Variants in ZNRF3 observed in about 807,000 individuals in gnomAD.
The protein encoded by ZNRF3 is E3 ubiquitin-protein ligase ZNRF3.
A neutral mutation model predicts 72.5 loss-of-function variants in ZNRF3; 23 were observed. The ratio of observed to expected loss-of-function variants is 0.32; its 90% CI spans 0.23 to 0.45. ZNRF3 has a LOEUF of 0.45. ZNRF3 is among the 20% of genes least tolerant of loss of function. The probability of loss-of-function intolerance (pLI) is 1.00; values close to 1 mark genes in which losing one functional copy is unlikely to be tolerated. For synonymous variants in ZNRF3, 610 were observed against 545.3 expected, an observed-to-expected ratio of 1.12 and a Z score of -1.65; for missense variants, 1,169 against 1,272.1, an observed-to-expected ratio of 0.92 and a Z score of 1.23.
intron 2 of ZNRF3, among the ~76,000 whole-genome samples, chr22:29,007,501 G>T (rs1410665917): frequency 6.6e-6 from 1 of 151,732 alleles, no homozygotes; most frequent in Admixed American, 6.6e-5. Flanking sequence ...AAACTAGCTG[G>T]GCCTGGTGGC....
chr22:29,006,209 G>GTTTTTTT (rs2036240125), intron 2 of ZNRF3, among the ~76,000 whole-genome samples: 2 of 73,998 alleles, frequency 2.7e-5, no homozygotes, highest in East Asian at 4.5e-4. Context: ...CTTATCATCC[G>GTTTTTTT]TTTCTTTTTT....
At chr22:29,005,018 C>A (rs2036216919) in intron 2 of ZNRF3, among the ~76,000 whole-genome samples, 1 of 152,250 alleles carries the variant, frequency 6.6e-6, no homozygotes. Context: ...CCTCTTGTCT[C>A]CGCTTTTCAG....
At chr22:28,928,163 T>A (rs1373433621) in intron 1 of ZNRF3, among the ~76,000 whole-genome samples, 3 of 152,252 alleles carry the variant, frequency 2.0e-5, no homozygotes, top group African/African-American at 4.8e-5. Flanking sequence ...CAATCTTTTT[T>A]AAATTTTATT....
chr22:28,939,582 T>C (rs943987103), intron 1 of ZNRF3, among the ~76,000 whole-genome samples: 1 of 152,020 alleles, frequency 6.6e-6, no homozygotes, highest in Non-Finnish European at 1.5e-5. Flanking sequence ...CCCTCAGTCT[T>C]TGCATCCTCA....
chr22:28,893,101 A>T (rs577710914), intron 1 of ZNRF3, among the ~76,000 whole-genome samples: 1 of 151,948 alleles, frequency 6.6e-6, no homozygotes, highest in Non-Finnish European at 1.5e-5. Context: ...CGGCAGGTGG[A>T]GCTTGCAGTG....
chr22:28,918,131 G>A (rs990637640), intron 1 of ZNRF3, among the ~76,000 whole-genome samples: 14 of 152,186 alleles, frequency 9.2e-5, no homozygotes, highest in African/African-American at 3.1e-4. Context: ...GGCAGGCCTG[G>A]CGAAGTGTGG....
intron 1 of ZNRF3, among the ~76,000 whole-genome samples, chr22:28,893,440 C>T (rs1269676443): frequency 2.0e-5 from 3 of 151,616 alleles, no homozygotes; most frequent in Admixed American, 1.3e-4. Flanking sequence ...CTGCAGTGAG[C>T]CTTGCAGCTA....
Position 29,049,705 on chromosome 22 carries a change from C to G in ZNRF3, c.1524C>G (p.Leu508=), listed in dbSNP as rs2037147780. ...CTCCGAGCGGCAGTGGCAGCCTGCTCTTCCCCACCGTGGTGCACGTGGCCC... is the reference window on the plus strand; with the variant it reads ...CTCCGAGCGGCAGTGGCAGCCTGCTGTTCCCCACCGTGGTGCACGTGGCCC... ...AFPPSGSGSL[L]FPTVVHVAPP... is the part of the protein sequence containing the mutation. Residue 508 remains leucine (L), a synonymous_variant, in exon 8 of 9, where the codon CTC becomes CTG. Transcript: ENST00000544604. The surrounding 1 kb of genome is among the most constrained non-coding windows in gnomAD (Gnocchi z 5.2). 1 of 1,605,716 alleles carries G rather than the reference C, an allele frequency of 6.2e-7. No homozygotes were observed. The highest frequency in any genetic ancestry group is 1.1e-5 in the South Asian group (1 of 90,580).
chr22:28,981,523 T>C (rs1361012548), intron 1 of ZNRF3, among the ~76,000 whole-genome samples: 1 of 152,080 alleles, frequency 6.6e-6, no homozygotes, highest in Admixed American at 6.6e-5. Flanking sequence ...AAAGTAGAAA[T>C]AAAGGTTTCA....
At chr22:28,921,516 T>C (rs2034512947) in intron 1 of ZNRF3, among the ~76,000 whole-genome samples, 3 of 152,228 alleles carry the variant, frequency 2.0e-5, no homozygotes, top group Admixed American at 2.0e-4. Flanking sequence ...TCAATGCTGC[T>C]GCCTCCAGGA....
chr22:28,895,179 C>T (rs772668424), intron 1 of ZNRF3, among the ~76,000 whole-genome samples: 3 of 152,108 alleles, frequency 2.0e-5, no homozygotes, highest in Non-Finnish European at 4.4e-5. Flanking sequence ...ATCAGTGGAC[C>T]CCATGAGTCT....
At chr22:28,999,849 CAT>C (rs2036113592) in intron 2 of ZNRF3, among the ~76,000 whole-genome samples, 2 of 152,074 alleles carry the variant, frequency 1.3e-5, no homozygotes, top group African/African-American at 4.8e-5. Flanking sequence ...ACCTCGGTGA[CAT>C]AAATTCTCAC....
At chr22:28,940,097 A>G (rs1013891028) in intron 1 of ZNRF3, among the ~76,000 whole-genome samples, 1 of 152,184 alleles carries the variant, frequency 6.6e-6, no homozygotes, top group Non-Finnish European at 1.5e-5. Context: ...AGCCAGGGCA[A>G]TTCTTACCAG....
chr22:29,044,912 C>G, intron 5 of ZNRF3, 22 bp downstream of exon 5: 1 of 1,545,562 alleles, frequency 6.5e-7, no homozygotes, highest in Non-Finnish European at 8.9e-7. Context: ...GTGTGTAGCC[C>G]GTGAGCAGTA....
chr22:28,989,132 T>C (rs951853024), intron 2 of ZNRF3, among the ~76,000 whole-genome samples: 1 of 152,204 alleles, frequency 6.6e-6, no homozygotes, highest in Non-Finnish European at 1.5e-5. Flanking sequence ...GCCCAGAAGC[T>C]GAGCATGTGG....
chr22:28,938,467 C>T (rs190515671), intron 1 of ZNRF3, among the ~76,000 whole-genome samples: 2 of 152,138 alleles, frequency 1.3e-5, no homozygotes, highest in African/African-American at 2.4e-5. Context: ...AAGCACTTAG[C>T]GTGTATTATC....
rs889202461 is a variant in ZNRF3 at position 28,884,016 on chromosome 22, C to A, written c.250C>A (p.Arg84Ser). ...CACCTACACCACCGGCCTCACGGGC[C>A]GCTTCTCGCGGGCCGGGGCCACGCT... ...YTTYTTGLTGRFSRAGATLSA... is the reference protein window; with the variant it reads ...YTTYTTGLTGSFSRAGATLSA... Residue 84 changes from arginine (R) to serine (S), a missense_variant, in exon 1 of 9, where the codon CGC becomes AGC. By Grantham distance (110) the Arg-to-Ser change is moderately radical (BLOSUM62 -1). This residue lies in a region of ZNRF3 where 386 missense variants were observed against 540.7 expected (regional missense o/e 0.71). Coordinates refer to ENST00000544604, the MANE Select transcript of ZNRF3 (RefSeq NM_001206998.2). 2.5e-5 allele frequency: 33 copies of A among 1,307,424 alleles called. No individual in the cohort carries two copies. In the African/African-American group the frequency reaches 4.6e-4, roughly 18 times the overall value. 81.0% of individuals were successfully genotyped at this position (1,307,424 alleles called of 1,614,324 possible).
At chr22:28,988,749 C>T (rs1000086026) in intron 2 of ZNRF3, among the ~76,000 whole-genome samples, 7 of 152,158 alleles carry the variant, frequency 4.6e-5, no homozygotes, top group African/African-American at 7.2e-5. Context: ...GTAGGTGTTA[C>T]GCTCCTAATA....
chr22:29,046,663 C>T, intron 5 of ZNRF3, 53 bp from the exon 6 acceptor site: 1 of 1,477,980 alleles, frequency 6.8e-7, no homozygotes, highest in Non-Finnish European at 9.0e-7. Context: ...CCTGGGGTGA[C>T]TGCCACTTTC....
Sources: allele counts gnomAD v4.1 joint callset (sites outside exome capture counted in the v4.1 genomes callset), GRCh38; gene constraint gnomAD v4.1.1; regional missense constraint gnomAD v4.1.1; non-coding constraint Gnocchi (gnomAD v3.1); transcripts MANE v1.5; gene names NCBI Gene and HGNC (gene_info 2026-07-23, HGNC 2026-07-21).